PRKCD: variants seen among roughly 807,000 people sequenced by gnomAD.
PRKCD encodes protein kinase C delta.
A neutral mutation model predicts 82.2 loss-of-function variants in PRKCD; 20 were observed. The ratio of observed to expected loss-of-function variants is 0.24; its 90% CI spans 0.17 to 0.35. The LOEUF (loss-of-function observed/expected upper bound fraction) is 0.35, where lower values mean the gene tolerates loss of function less well. Among genes scored for constraint, PRKCD ranks in the 10% least tolerant of loss-of-function variants. PRKCD has a pLI of 1.00. For synonymous variants in PRKCD, 317 were observed against 337.0 expected (o/e 0.94, Z 0.65); for missense variants, 607 against 899.0 (o/e 0.68, Z 4.15).
At position 53,185,992 on chromosome 3, in the gene PRKCD, T is replaced by A; in HGVS notation, c.1051T>A (p.Phe351Ile). 1 of 1,614,222 alleles carries A rather than the reference T, an allele frequency of 6.2e-7. No homozygotes were observed. The change falls in exon 12 of 19, where the codon TTC becomes ATC. Residue 351 changes from phenylalanine to isoleucine, a missense_variant. Physicochemically the swap from Phe to Ile is conservative, Grantham distance 21. Coordinates refer to ENST00000330452, the MANE Select transcript of PRKCD (RefSeq NM_006254.4). ...SSKCNINNFI[F>I]HKVLGKGSFG... is the part of the protein sequence containing the mutation. ...CAAGTGCAACATCAACAACTTCATC[T>A]TCCACAAGGTCCTGGGCAAAGGCAG...
In PRKCD at chr3:53,183,017, G is replaced by A. The variant is rs530747420; in HGVS notation, c.572-104G>A. ...TGAGGGTGTGGGCGGTCAGGAGAACGGTGGCTTTGTGTAGAGGGCTAGACT... is the reference window on the plus strand; with the variant it reads ...TGAGGGTGTGGGCGGTCAGGAGAACAGTGGCTTTGTGTAGAGGGCTAGACT... On this transcript the variant is annotated intron_variant, in intron 7 of 18. Transcript: ENST00000330452. The A allele has an allele frequency of 1.1e-4, 122 of 1,159,470 alleles. 2 individuals carry two copies. The Middle Eastern group carries it at 1.2e-3, about 11-fold the overall frequency. The allele number at this position is 1,159,470 out of a possible 1,614,324, so 71.8% of individuals were successfully genotyped here.
In PRKCD at chr3:53,179,672, A is replaced by G. The variant is rs782095882; in HGVS notation, c.211A>G (p.Ile71Val). Residue 71 changes from isoleucine (I) to valine (V), a missense_variant, in exon 4 of 19, where the codon ATT (isoleucine) becomes GTT (valine). By Grantham distance (29) the Ile-to-Val change is conservative. Coordinates refer to ENST00000330452, the MANE Select transcript of PRKCD (RefSeq NM_006254.4). ...AHIYEGRVIQ[I>V]VLMRAAEEPV... ...CATCTATGAGGGGCGCGTCATCCAG[A>G]TTGTGCTAATGCGGGCAGCAGAGGA... 1 of 1,613,382 alleles carries G rather than the reference A, an allele frequency of 6.2e-7. No homozygotes were observed. The highest frequency in any genetic ancestry group is 1.1e-5 in the South Asian group (1 of 90,902).
intron 15 of PRKCD, among the ~76,000 whole-genome samples, chr3:53,188,187 C>CAAAAAAAAAAAAAAAAAAAAAA (rs557772373): frequency 4.4e-5 from 2 of 45,572 alleles, no homozygotes; most frequent in African/African-American, 7.3e-5. Flanking sequence ...GACTGTGTCT[C>CAAAAAAAAAAAAAAAAAAAAAA]AAAAAAAAAA....
chr3:53,178,308 T>C (rs1703287156), intron 2 of PRKCD, 96 bp from the exon 3 acceptor site: 1 of 710,306 alleles, frequency 1.4e-6, no homozygotes, highest in Admixed American at 2.6e-5. Flanking sequence ...AACCCAATCA[T>C]AGCAGAGCCC....
intron 2 of PRKCD, among the ~76,000 whole-genome samples, chr3:53,176,266 A>G (rs779807908): frequency 8.6e-5 from 13 of 150,756 alleles, no homozygotes; most frequent in Non-Finnish European, 1.6e-4. Flanking sequence ...CGGGCAAGGA[A>G]TGTGGTGGGG....
chr3:53,167,009 C>A (rs1481339272), intron 2 of PRKCD, among the ~76,000 whole-genome samples: 1 of 152,248 alleles, frequency 6.6e-6, no homozygotes, highest in African/African-American at 2.4e-5. Flanking sequence ...CCTGTGTCCC[C>A]CACGGTGTCC....
At chr3:53,167,129 C>T (rs1277180134) in intron 2 of PRKCD, among the ~76,000 whole-genome samples, 5 of 152,198 alleles carry the variant, frequency 3.3e-5, no homozygotes, top group Middle Eastern at 3.2e-3. Flanking sequence ...CTGTTCAAGG[C>T]GTTTCCGGAG....
intron 1 of PRKCD, 22 bp downstream of exon 1, chr3:53,161,450 G>A (rs1207206685): frequency 1.3e-5 from 2 of 151,700 alleles, no homozygotes; most frequent in African/African-American, 4.8e-5. Flanking sequence ...CCGGGTCCGG[G>A]CGCGGGATCG....
intron 2 of PRKCD, among the ~76,000 whole-genome samples, chr3:53,171,069 C>A (rs1261955591): frequency 6.6e-6 from 1 of 152,116 alleles, no homozygotes; most frequent in Non-Finnish European, 1.5e-5. Flanking sequence ...TTTGGGTTGG[C>A]GAGTGTGCCT....
chr3:53,191,445 T>C (rs1553670882), intron 18 of PRKCD, among the ~76,000 whole-genome samples: 1 of 152,108 alleles, frequency 6.6e-6, no homozygotes, highest in African/African-American at 2.4e-5. Flanking sequence ...AAATAAAATA[T>C]AGGTTCAAAT....
Position 53,183,586 on chromosome 3 carries a change from G to A in PRKCD, c.787+5G>A, listed in dbSNP as rs782074547. On this transcript the variant is annotated splice_donor_5th_base_variant and intron_variant, in intron 9 of 18. Transcript: ENST00000330452. ...AGCAGGGATTAAAGTGTGAAGGTGC[G>A]TGCCACCCCGCCCCTGGGCTGCAGG... 5.6e-6 allele frequency: 9 copies of A among 1,613,648 alleles called. No individual in the cohort carries two copies. Among genetic ancestry groups the A allele is most frequent in the Admixed American group, 3.3e-5 (2 of 59,980 alleles).
intron 2 of PRKCD, among the ~76,000 whole-genome samples, chr3:53,173,978 T>A (rs1460252128): frequency 6.6e-6 from 1 of 152,138 alleles, no homozygotes; most frequent in African/African-American, 2.4e-5. Flanking sequence ...TGTCTCTTCT[T>A]CCCAACATGG....
At chr3:53,192,036 G>A in intron 18 of PRKCD, 72 bp from the exon 19 acceptor site, 1 of 1,533,626 alleles carries the variant, frequency 6.5e-7, no homozygotes. Context: ...AGCCCTGCAG[G>A]GACTCCAGCC....
intron 2 of PRKCD, among the ~76,000 whole-genome samples, chr3:53,166,205 G>T (rs1702826854): frequency 6.6e-6 from 1 of 152,196 alleles, no homozygotes; most frequent in Non-Finnish European, 1.5e-5. Context: ...TCACTCTGGG[G>T]TAGGAGTTGG....
chr3:53,161,244 G>T lies in PRKCD; in HGVS notation c.-316G>T, dbSNP rs1702642741. ...GTGCCGCGGCGCCGGAGCCCGAGGC[G>T]GCTGTAGCCCACATCTCCCGAGCGA... On this transcript the variant is annotated 5_prime_UTR_variant, in exon 1 of 19. Transcript: ENST00000330452. 6.7e-6 allele frequency: 1 copy of T among 149,880 alleles called. No individual in the cohort carries two copies. Among genetic ancestry groups the T allele is most frequent in the South Asian group, 2.1e-4 (1 of 4,814 alleles). 9.3% of individuals were successfully genotyped at this position (149,880 alleles called of 1,614,324 possible).
chr3:53,186,146 G>T, intron 12 of PRKCD, 21 bp from the exon 13 acceptor site: 3 of 1,612,028 alleles, frequency 1.9e-6, no homozygotes, highest in African/African-American at 1.3e-5. Context: ...CACCTGCTCA[G>T]CACCCGTGTC....
intron 4 of PRKCD, 36 bp downstream of exon 4, chr3:53,179,812 G>GTGTC (rs1553666952): frequency 1.3e-6 from 2 of 1,548,880 alleles, no homozygotes; most frequent in African/African-American, 2.7e-5. Context: ...GTGTGTGTGT[G>GTGTC]TGTGTGTCTG....
At chr3:53,167,385 T>G (rs1352182911) in intron 2 of PRKCD, among the ~76,000 whole-genome samples, 1 of 152,166 alleles carries the variant, frequency 6.6e-6, no homozygotes, top group Non-Finnish European at 1.5e-5. Flanking sequence ...CGTGGCTCCT[T>G]TCTTGCTCTG....
At chr3:53,184,064 G>A (rs1201337496) in intron 9 of PRKCD, among the ~76,000 whole-genome samples, 1 of 152,146 alleles carries the variant, frequency 6.6e-6, no homozygotes, top group African/African-American at 2.4e-5. Context: ...TGGGCGCGGT[G>A]GCTCACGTCT....
Sources: allele counts gnomAD v4.1 joint callset (sites outside exome capture counted in the v4.1 genomes callset), GRCh38; gene constraint gnomAD v4.1.1; transcripts MANE v1.5; gene names NCBI Gene and HGNC (gene_info 2026-07-23, HGNC 2026-07-21).